WDR33: variants seen among roughly 807,000 people sequenced by gnomAD.
WDR33 encodes the protein WD repeat domain 33, also known as pre-mRNA 3' end processing protein WDR33.
A neutral mutation model predicts 164.9 loss-of-function variants in WDR33; 47 were observed. That is an observed-to-expected ratio of 0.29 (90% confidence interval 0.23 to 0.36). WDR33 has a LOEUF of 0.36. Among genes scored for constraint, WDR33 ranks in the 10% least tolerant of loss-of-function variants. The pLI is 1.00. For synonymous variants in WDR33, 505 were observed against 589.0 expected (o/e 0.86, Z 2.06); for missense variants, 1,137 against 1,754.1 (o/e 0.65, Z 6.28).
Position 127,726,675 on chromosome 2 carries a change from T to C in WDR33, c.827A>G (p.Lys276Arg). The change falls in exon 8 of 22, where the codon AAG (lysine) becomes AGG (arginine). Residue 276 changes from lysine to arginine, a missense_variant. Physicochemically the swap from Lys to Arg is conservative, Grantham distance 26. This residue lies in a region of WDR33 where 83 missense variants were observed against 189.2 expected (regional missense o/e 0.44). Transcript: ENST00000322313. The surrounding 1 kb of genome is among the most constrained non-coding windows in gnomAD (Gnocchi z 4.8). ...SQQPIKFWDPKTGQSLATLHA... is the reference protein window; with the variant it reads ...SQQPIKFWDPRTGQSLATLHA... ...CAGTGTTGCAAGACTCTGCCCAGTCTTGGGATCCCAGAACTTGATTGGCTG... is the reference window on the plus strand; with the variant it reads ...CAGTGTTGCAAGACTCTGCCCAGTCCTGGGATCCCAGAACTTGATTGGCTG... 1 of 1,614,194 alleles carries C rather than the reference T, an allele frequency of 6.2e-7. No homozygotes were observed. Among genetic ancestry groups the C allele is most frequent in the Non-Finnish European group, 8.5e-7 (1 of 1,180,026 alleles).
At chr2:127,743,164 TAA>T (rs1056341963) in intron 7 of WDR33, among the ~76,000 whole-genome samples, 2 of 151,554 alleles carry the variant, frequency 1.3e-5, no homozygotes, top group South Asian at 2.1e-4. Context: ...TGGGAAAAAA[TAA>T]AAAAAGAGTG....
chr2:127,793,518 ATCACTTGAGGCCAGGAGTTC>A (rs1688915769), intron 1 of WDR33, among the ~76,000 whole-genome samples: 1 of 151,972 alleles, frequency 6.6e-6, no homozygotes. Context: ...AGGCAGGAGG[ATCACTTGAGGCCAGGAGTTC>A]AAGACCACCC....
In WDR33 at chr2:127,772,237, G is replaced by C. The variant is rs188602060; in HGVS notation, c.-23-1233C>G. On this transcript the variant is annotated intron_variant, in intron 1 of 21. Coordinates refer to ENST00000322313, the MANE Select transcript of WDR33 (RefSeq NM_018383.5). ...GGATCACCGGAGGTCAGGAGTTCAAGACCAGCCTGGCCAACATGGTGAAAC... is the reference window on the plus strand; with the variant it reads ...GGATCACCGGAGGTCAGGAGTTCAACACCAGCCTGGCCAACATGGTGAAAC... Among the ~76,000 whole-genome samples the C allele has an allele frequency of 5.9e-5, 9 of 152,226 alleles. No homozygotes were observed. In the East Asian group the frequency reaches 1.7e-3, roughly 30 times the overall value.
At position 127,781,022 on chromosome 2, in the gene WDR33, G is replaced by A. The variant is rs562948646; in HGVS notation, c.-23-10018C>T. Among the ~76,000 whole-genome samples, 8 of 151,992 alleles carry A rather than the reference G, an allele frequency of 5.3e-5. No homozygotes were observed. The South Asian group carries it at 1.0e-3, about 20-fold the overall frequency. ...ACTACAAGCGTGCCCCACCACACCC[G>A]GCTAATTTTTTTCGTATCTCTAATA... On this transcript the variant is annotated intron_variant, in intron 1 of 21. Coordinates refer to ENST00000322313, the MANE Select transcript of WDR33 (RefSeq NM_018383.5).
In WDR33 at chr2:127,714,857, G is replaced by T. The variant is rs1302064916; in HGVS notation, c.2870-836C>A. On this transcript the variant is annotated intron_variant, in intron 17 of 21. Transcript: ENST00000322313. This position sits in a 1 kb window ranked among gnomAD's most constrained non-coding sequence, Gnocchi z 4.3. ...CTTTTATAAATGTTTACCTATTTTT[G>T]GTTAACATACAATTTAAATCAAACA... Among the ~76,000 whole-genome samples, 2 of 152,006 alleles carry T rather than the reference G, an allele frequency of 1.3e-5. No individual in the cohort carries two copies. Among genetic ancestry groups the T allele is most frequent in the Non-Finnish European group, 1.5e-5 (1 of 67,994 alleles).
intron 7 of WDR33, among the ~76,000 whole-genome samples, chr2:127,750,926 A>T (rs1189110121): frequency 2.6e-5 from 4 of 151,612 alleles, no homozygotes; most frequent in Non-Finnish European, 5.9e-5. Context: ...GCTAGAATTT[A>T]AAAAACTACA....
chr2:127,770,808 G>A lies in WDR33; in HGVS notation c.174C>T (p.Asp58=), dbSNP rs1687978354. 1 of 1,614,028 alleles carries A rather than the reference G, an allele frequency of 6.2e-7. No individual in the cohort carries two copies. The highest frequency in any genetic ancestry group is 1.7e-5 in the Admixed American group (1 of 59,998). ...AATACTTAATTACAGATGGATTGTAGTCTATGGTTTTTCGGTTCACAGCTT... is the reference window on the plus strand; with the variant it reads ...AATACTTAATTACAGATGGATTGTAATCTATGGTTTTTCGGTTCACAGCTT... ...MRKAVNRKTI[D]YNPSVIKYLE... Residue 58 remains aspartate (D), a synonymous_variant, in exon 2 of 22, where the codon GAC becomes GAT. Transcript: ENST00000322313. This position sits in a 1 kb window ranked among gnomAD's most constrained non-coding sequence, Gnocchi z 4.9.
rs945385986 is a variant in WDR33 at position 127,703,093 on chromosome 2, T to G, written c.*3230A>C. On this transcript the variant is annotated 3_prime_UTR_variant, in exon 22 of 22. Transcript: ENST00000322313. ...AGCAGTTACTTTTAACTACCTTAAT[T>G]TATTGCCAGAAGGTATGAGCCTAAC... 1 of 167,078 alleles carries G rather than the reference T, an allele frequency of 6.0e-6. No individual in the cohort carries two copies. The highest frequency in any genetic ancestry group is 2.1e-4 in the South Asian group (1 of 4,832). 10.3% of individuals were successfully genotyped at this position (167,078 alleles called of 1,614,324 possible).
rs538244854 is a variant in WDR33 at position 127,701,358 on chromosome 2, C to T, written c.*4965G>A. Reference sequence around the variant, plus strand: ...ACAGGCAGCACCTGCGACCACGGTACTTGGGGACACCACAAAAGTCCGCAG... The same window carrying T: ...ACAGGCAGCACCTGCGACCACGGTATTTGGGGACACCACAAAAGTCCGCAG... On this transcript the variant is annotated 3_prime_UTR_variant, in exon 22 of 22. Coordinates refer to ENST00000322313, the MANE Select transcript of WDR33 (RefSeq NM_018383.5). 155 of 540,492 alleles carry T rather than the reference C, an allele frequency of 2.9e-4. No homozygotes were observed. Among genetic ancestry groups the T allele is most frequent in the African/African-American group, 2.6e-3 (134 of 50,810 alleles). The allele number at this position is 540,492 out of a possible 1,614,324, so 33.5% of individuals were successfully genotyped here. A position where few individuals can be genotyped will look rare whatever the true frequency, so the allele number is the denominator to read the frequency against.
At chr2:127,734,416 G>A (rs768547687) in intron 7 of WDR33, among the ~76,000 whole-genome samples, 15 of 152,196 alleles carry the variant, frequency 9.9e-5, no homozygotes, top group Non-Finnish European at 7.3e-5. Flanking sequence ...CTGCTTTGTA[G>A]ATTAACCTGT....
At chr2:127,796,917 G>A (rs1689060941) in intron 1 of WDR33, among the ~76,000 whole-genome samples, 1 of 151,870 alleles carries the variant, frequency 6.6e-6, no homozygotes, top group African/African-American at 2.4e-5. Context: ...TTTCCCCAAG[G>A]TCAAACCATA....
At chr2:127,773,088 A>G (rs1391876245) in intron 1 of WDR33, among the ~76,000 whole-genome samples, 1 of 152,196 alleles carries the variant, frequency 6.6e-6, no homozygotes, top group Non-Finnish European at 1.5e-5. Context: ...GTGAACCATG[A>G]TAGCACCACT....
chr2:127,701,416 A>T lies in WDR33; in HGVS notation c.*4907T>A. ...ACCGCGGCACTTCCGCGAGCGCCGC[A>T]GGCCCTGCCCCTTTCGCCGTCGCCG... is the stretch of plus-strand genomic sequence containing the variant. On this transcript the variant is annotated 3_prime_UTR_variant, in exon 22 of 22. Transcript: ENST00000322313. 1 of 1,066,600 alleles carries T rather than the reference A, an allele frequency of 9.4e-7. No individual in the cohort carries two copies. The highest frequency in any genetic ancestry group is 1.2e-6 in the Non-Finnish European group (1 of 840,174). 66.1% of individuals were successfully genotyped at this position (1,066,600 alleles called of 1,614,324 possible). A position where few individuals can be genotyped will look rare whatever the true frequency, so the allele number is the denominator to read the frequency against.
chr2:127,802,629 G>C (rs1689293074), intron 1 of WDR33, among the ~76,000 whole-genome samples: 1 of 151,982 alleles, frequency 6.6e-6, no homozygotes, highest in East Asian at 1.9e-4. Flanking sequence ...TTGGTCACAG[G>C]TGCTTAAAAA....
intron 7 of WDR33, among the ~76,000 whole-genome samples, chr2:127,754,711 T>C (rs1687472960): frequency 6.6e-6 from 1 of 151,772 alleles, no homozygotes; most frequent in African/African-American, 2.4e-5. Context: ...GTGTGAGCTA[T>C]TGTGCCTGGC....
rs10199757 is a variant in WDR33 at position 127,809,330 on chromosome 2, T to G, written c.-24+1682A>C. Among the ~76,000 whole-genome samples, 1,065 of 152,216 alleles carry G rather than the reference T, an allele frequency of 7.0e-3. 10 individuals carry two copies. Among genetic ancestry groups the G allele is most frequent in the African/African-American group, 0.024 (1,013 of 41,566 alleles). On this transcript the variant is annotated intron_variant, in intron 1 of 21. Transcript: ENST00000322313. ...GTGATGGCAAAATCTGTTTAGTATT[T>G]TTCACCAACCAAAGAAAATTATCCA...
chr2:127,804,414 T>C (rs146099451), intron 1 of WDR33, among the ~76,000 whole-genome samples: 1 of 152,340 alleles, frequency 6.6e-6, no homozygotes, highest in Non-Finnish European at 1.5e-5. Context: ...AATTTGAGTA[T>C]GAATTTTCAA....
In WDR33 at chr2:127,713,830, G is replaced by A; in HGVS notation, c.3061C>T (p.Pro1021Ser). ...AACCGGTGGCCAAAGCGCTTGTCAG[G>A]GTGGAAGTCATCTGGTCTGCTGAAG... ...DDFSRPDDFHPDKRFGHRLRE... is the reference protein window; with the variant it reads ...DDFSRPDDFHSDKRFGHRLRE... Residue 1021 changes from proline to serine, a missense_variant, in exon 18 of 22, where the codon CCT becomes TCT. By Grantham distance (74) the Pro-to-Ser change is moderately conservative. Around this residue, in one of 9 missense-constraint regions of WDR33, gnomAD observed 867 missense variants for 1,073.0 expected, o/e 0.81. Transcript: ENST00000322313. This position sits in a 1 kb window ranked among gnomAD's most constrained non-coding sequence, Gnocchi z 6.2. 1.2e-6 allele frequency: 2 copies of A among 1,614,264 alleles called. No homozygotes were observed. Among genetic ancestry groups the A allele is most frequent in the East Asian group, 4.5e-5 (2 of 44,878 alleles).
At chr2:127,787,626 C>G (rs1688638818) in intron 1 of WDR33, among the ~76,000 whole-genome samples, 1 of 91,194 alleles carries the variant, frequency 1.1e-5, no homozygotes, top group Non-Finnish European at 2.2e-5. Context: ...CAGAGGCGCC[C>G]CTCACCTCCC....
Sources: gnomAD v4.1 joint callset for allele counts (sites outside exome capture counted in the v4.1 genomes callset) on GRCh38, gnomAD v4.1.1 for gene constraint, gnomAD v4.1.1 regional missense constraint, Gnocchi (gnomAD v3.1) non-coding constraint, MANE v1.5 for transcripts, NCBI Gene and HGNC (gene_info 2026-07-23, HGNC 2026-07-21) for gene names.